The following MAP2K1 variants were observed in gnomAD, a reference collection of about 807,000 sequenced individuals.
MAP2K1 encodes the protein mitogen-activated protein kinase kinase 1.
A neutral mutation model predicts 46.3 loss-of-function variants in MAP2K1; 16 were observed. The observed-to-expected ratio is 0.35, with a 90% CI of 0.23 to 0.52. MAP2K1 has a LOEUF of 0.52. Among genes scored for constraint, MAP2K1 ranks in the 20% least tolerant of loss-of-function variants. The pLI is 0.94. For synonymous variants in MAP2K1, 183 were observed against 185.6 expected, an observed-to-expected ratio of 0.99 and a Z score of 0.11; for missense variants, 263 against 497.1, an observed-to-expected ratio of 0.53 and a Z score of 4.48.
intron 1 of MAP2K1, among the ~76,000 whole-genome samples, chr15:66,409,605 A>G (rs1396970986): frequency 2.6e-5 from 4 of 152,192 alleles, no homozygotes; most frequent in African/African-American, 9.6e-5. Context: ...CACATTTGGG[A>G]AAAAGTTAAG....
intron 5 of MAP2K1, among the ~76,000 whole-genome samples, chr15:66,468,400 A>T (rs187956599): frequency 6.6e-6 from 1 of 152,322 alleles, no homozygotes; most frequent in African/African-American, 2.4e-5. Flanking sequence ...GAAAAATCAG[A>T]TAGCAAAATT....
At chr15:66,432,897 A>G (rs921028041) in intron 1 of MAP2K1, among the ~76,000 whole-genome samples, 1 of 151,558 alleles carries the variant, frequency 6.6e-6, no homozygotes, top group Non-Finnish European at 1.5e-5. Context: ...AGAGTTACAC[A>G]GTGTTGTGAG....
intron 1 of MAP2K1, among the ~76,000 whole-genome samples, chr15:66,400,241 C>T (rs1007987349): frequency 1.3e-5 from 2 of 151,840 alleles, no homozygotes; most frequent in Admixed American, 6.6e-5. Flanking sequence ...CCAGGCTGGT[C>T]TCAAACTCTT....
intron 1 of MAP2K1, among the ~76,000 whole-genome samples, chr15:66,403,968 T>C (rs932618388): frequency 3.9e-5 from 6 of 152,224 alleles, no homozygotes; most frequent in African/African-American, 1.4e-4. Context: ...TTTTGTTTAA[T>C]GGTTTACTCA....
chr15:66,410,012 T>C (rs888521434), intron 1 of MAP2K1, among the ~76,000 whole-genome samples: 2 of 152,144 alleles, frequency 1.3e-5, no homozygotes, highest in Admixed American at 1.3e-4. Flanking sequence ...AAGATCTTGA[T>C]AGTTCAGCCT....
intron 1 of MAP2K1, among the ~76,000 whole-genome samples, chr15:66,405,885 A>G (rs1300171016): frequency 3.3e-5 from 5 of 152,220 alleles, no homozygotes; most frequent in Non-Finnish European, 5.9e-5. Flanking sequence ...AGCGCTTTGT[A>G]ATTGAACTTG....
intron 5 of MAP2K1, among the ~76,000 whole-genome samples, chr15:66,453,101 T>G (rs1892078879): frequency 6.6e-6 from 1 of 152,234 alleles, no homozygotes; most frequent in Admixed American, 6.5e-5. Context: ...TTTCTAGTCC[T>G]GTGTTTTTCT....
rs146032443 is a variant in MAP2K1 at position 66,398,369 on chromosome 15, C to T, written c.80+10942C>T. ...TGGCGAGATTGCAGTGAGCGGTAAT[C>T]GTGCCACTGCACTCTAGCCTGGGTG... On this transcript the variant is annotated intron_variant, in intron 1 of 10. Transcript: ENST00000307102. Among the ~76,000 whole-genome samples, 656 of 152,238 alleles carry T rather than the reference C, an allele frequency of 4.3e-3. 7 individuals are homozygous for T. Among genetic ancestry groups the T allele is most frequent in the African/African-American group, 0.015 (618 of 41,536 alleles).
chr15:66,491,240 G>A lies in MAP2K1; in HGVS notation c.*625G>A, dbSNP rs1245723942. 1 of 240,482 alleles carries A rather than the reference G, an allele frequency of 4.2e-6. No homozygotes were observed. The highest frequency in any genetic ancestry group is 2.2e-5 in the African/African-American group (1 of 45,338). The allele number at this position is 240,482 out of a possible 1,614,324, so 14.9% of individuals were successfully genotyped here. On this transcript the variant is annotated 3_prime_UTR_variant, in exon 11 of 11. Transcript: ENST00000307102. ...AGTCTGTCTACTGTGGTGATCTGTAGACTTCTGGTTGTATTTCTATATTTA... is the reference window on the plus strand; with the variant it reads ...AGTCTGTCTACTGTGGTGATCTGTAAACTTCTGGTTGTATTTCTATATTTA...
chr15:66,470,146 C>T (rs1270906723), intron 5 of MAP2K1, among the ~76,000 whole-genome samples: 2 of 118,058 alleles, frequency 1.7e-5, no homozygotes, highest in African/African-American at 3.2e-5. Context: ...TCAGAGGCCT[C>T]GTTCCCCATA....
intron 5 of MAP2K1, among the ~76,000 whole-genome samples, chr15:66,452,291 AAAAAAAAAAAAAG>A (rs1263122015): frequency 5.7e-5 from 1 of 17,418 alleles, no homozygotes; most frequent in African/African-American, 1.2e-4. Flanking sequence ...GTATAATAAA[AAAAAAAAAAAAAG>A]AAAAAAAAAA....
At chr15:66,469,693 G>C (rs867293778) in intron 5 of MAP2K1, among the ~76,000 whole-genome samples, 5 of 84,874 alleles carry the variant, frequency 5.9e-5, no homozygotes, top group Admixed American at 2.7e-4. Context: ...TCCTTTTAAA[G>C]ACACACACAC....
chr15:66,429,680 T>TCCCC lies in MAP2K1; in HGVS notation c.81-5343_81-5340dup, dbSNP rs1567007438. 3.4e-4 allele frequency among the ~76,000 whole-genome samples: 11 copies of TCCCC among 31,926 alleles called. 1 individual carries two copies. Among genetic ancestry groups the TCCCC allele is most frequent in the Non-Finnish European group, 5.1e-4 (8 of 15,630 alleles). The allele number at this position is 31,926 out of a possible 152,430, so 20.9% of individuals were successfully genotyped here. On this transcript the variant is annotated intron_variant, in intron 1 of 10. Transcript: ENST00000307102. ...CACTGCGGCGCCCCCCCCCCCCCCG[T>TCCCC]CCCCCCCAACACAGATGGGCTAGCC...
In MAP2K1 at chr15:66,420,920, TAC is replaced by T. The variant is rs1407874868; in HGVS notation, c.81-14105_81-14104del. Reference sequence around the variant, plus strand: ...ACATACATACATACACACACATACATACATATATATACACACATACATATATA... The same window carrying T: ...ACATACATACATACACACACATACATATATATATACACACATACATATATA... On this transcript the variant is annotated intron_variant, in intron 1 of 10. Coordinates refer to ENST00000307102, the MANE Select transcript of MAP2K1 (RefSeq NM_002755.4). Among the ~76,000 whole-genome samples, 51 of 139,416 alleles carry T rather than the reference TAC, an allele frequency of 3.7e-4. 1 individual carries two copies. Among genetic ancestry groups the T allele is most frequent in the Non-Finnish European group, 6.3e-4 (41 of 64,668 alleles). 91.5% of individuals were successfully genotyped at this position (139,416 alleles called of 152,430 possible). A position where few individuals can be genotyped will look rare whatever the true frequency, so the allele number is the denominator to read the frequency against.
At chr15:66,435,899 C>T (rs1033712653) in intron 2 of MAP2K1, among the ~76,000 whole-genome samples, 8 of 152,148 alleles carry the variant, frequency 5.3e-5, no homozygotes, top group Admixed American at 2.0e-4. Flanking sequence ...AGTGAATCCC[C>T]TTTATCTTCC....
intron 1 of MAP2K1, among the ~76,000 whole-genome samples, chr15:66,413,906 TTCTTC>T (rs2093417768): frequency 9.7e-5 from 6 of 61,730 alleles, no homozygotes; most frequent in Admixed American, 5.1e-4. Flanking sequence ...TTTTTTCTTC[TTCTTC>T]TTTTTTTTTT....
chr15:66,392,251 TTGGG>T, intron 1 of MAP2K1, among the ~76,000 whole-genome samples: 1 of 66,814 alleles, frequency 1.5e-5, no homozygotes, highest in African/African-American at 4.5e-5. Flanking sequence ...TGTGTTTTTT[TTGGG>T]TTTTTTTTTT....
intron 5 of MAP2K1, among the ~76,000 whole-genome samples, chr15:66,457,594 T>C (rs1892199668): frequency 6.6e-6 from 1 of 152,174 alleles, no homozygotes; most frequent in African/African-American, 2.4e-5. Flanking sequence ...GTCCTTTTTT[T>C]ATAGAAAAAT....
rs1252003697 is a variant in MAP2K1 at position 66,420,759 on chromosome 15, G to GTGTGTGTATA, written c.81-14267_81-14266insGTGTGTATAT. 2.0e-3 allele frequency among the ~76,000 whole-genome samples: 82 copies of GTGTGTGTATA among 40,066 alleles called. 6 individuals carry two copies. The highest frequency in any genetic ancestry group is 4.4e-3 in the Admixed American group (14 of 3,214). 26.3% of individuals were successfully genotyped at this position (40,066 alleles called of 152,430 possible). ...TGTGTGTGTGTGTGTGTGTGTGTGT[G>GTGTGTGTATA]TATGTGTGTATATATATGTGTATAT... On this transcript the variant is annotated intron_variant, in intron 1 of 10. Coordinates refer to ENST00000307102, the MANE Select transcript of MAP2K1 (RefSeq NM_002755.4).
Sources: allele counts gnomAD v4.1 joint callset (sites outside exome capture counted in the v4.1 genomes callset), GRCh38; gene constraint gnomAD v4.1.1; transcripts MANE v1.5; gene names NCBI Gene and HGNC (gene_info 2026-07-23, HGNC 2026-07-21).